Variants in ACAP2 observed in about 807,000 individuals in gnomAD.
The protein encoded by ACAP2 is arf-GAP with coiled-coil, ANK repeat and PH domain-containing protein 2.
In ACAP2, 39 loss-of-function variants were observed where a neutral mutation model predicts 115.8. The observed-to-expected ratio is 0.34, with a 90% confidence interval of 0.26 to 0.44. ACAP2 has a LOEUF of 0.44. ACAP2 is among the 20% of genes least tolerant of loss of function. The pLI, the probability that ACAP2 is intolerant of heterozygous loss-of-function variation, is 1.00. For missense variants in ACAP2, 662 were observed against 927.6 expected, an observed-to-expected ratio of 0.71 and a Z score of 3.72; for synonymous variants, 289 against 315.8, an observed-to-expected ratio of 0.92 and a Z score of 0.90.
chr3:195,349,003 G>C lies in ACAP2; in HGVS notation c.286-3686C>G, dbSNP rs142762615. The stretch of plus-strand genomic sequence containing the variant: ...AAAAAGCATACAGATTAGAAAGGAA[G>C]AATATAAAATTGTCTTTATCCACAG... On this transcript the variant is annotated intron_variant, in intron 4 of 22. Transcript: ENST00000326793. Among the ~76,000 whole-genome samples, 636 of 152,128 alleles carry C rather than the reference G, an allele frequency of 4.2e-3. 1 individual carries two copies. Among genetic ancestry groups the C allele is most frequent in the African/African-American group, 0.014 (598 of 41,506 alleles).
intron 1 of ACAP2, among the ~76,000 whole-genome samples, chr3:195,413,541 G>T (rs541727919): frequency 1.3e-5 from 2 of 152,044 alleles, no homozygotes; most frequent in Admixed American, 1.3e-4. Context: ...TTGAGGTCAG[G>T]AGTTTGAGAC....
rs537784017 is a variant in ACAP2 at position 195,287,904 on chromosome 3, G to A, written c.2174+1217C>T. ...GGATCACCTGAGGTCAGGAGTTTAA[G>A]ACCAGCCTGACCAACATGGAGAAAC... On this transcript the variant is annotated intron_variant, in intron 21 of 22. Transcript: ENST00000326793. 4.2e-4 allele frequency among the ~76,000 whole-genome samples: 64 copies of A among 152,204 alleles called. No homozygotes were observed. The Middle Eastern group carries it at 0.017, about 40-fold the overall frequency.
chr3:195,286,587 T>C (rs1726859546), intron 21 of ACAP2, among the ~76,000 whole-genome samples: 2 of 152,232 alleles, frequency 1.3e-5, no homozygotes, highest in East Asian at 3.8e-4. Flanking sequence ...CACCCTCTTC[T>C]GAAATGTTCT....
At chr3:195,429,946 T>G (rs1714988329) in intron 1 of ACAP2, among the ~76,000 whole-genome samples, 1 of 152,234 alleles carries the variant, frequency 6.6e-6, no homozygotes, top group Non-Finnish European at 1.5e-5. Flanking sequence ...CATTGGTATT[T>G]GCTTAAACTG....
In ACAP2 at chr3:195,442,925, C is replaced by T; in HGVS notation, c.-78G>A. The T allele has an allele frequency of 7.5e-7, 1 of 1,340,742 alleles. No homozygotes were observed. Among genetic ancestry groups the T allele is most frequent in the Non-Finnish European group, 9.9e-7 (1 of 1,012,590 alleles). The allele number at this position is 1,340,742 out of a possible 1,614,324, so 83.1% of individuals were successfully genotyped here. ...GGCCGCGCTGGGACGCAGACGGCTA[C>T]GGCGGGCGCACGGCCGCGACTAGCG... is the stretch of plus-strand genomic sequence containing the variant. On this transcript the variant is annotated 5_prime_UTR_variant, in exon 1 of 23. Coordinates refer to ENST00000326793, the MANE Select transcript of ACAP2 (RefSeq NM_012287.6).
chr3:195,353,782 T>C (rs1424447476), intron 4 of ACAP2, among the ~76,000 whole-genome samples: 3 of 152,184 alleles, frequency 2.0e-5, no homozygotes, highest in African/African-American at 7.2e-5. Flanking sequence ...AAAACATCAT[T>C]ATATTCCAAA....
Position 195,297,184 on chromosome 3 carries a change from T to TCA in ACAP2, c.1487+5_1487+6insTG, listed in dbSNP as rs760180505. 6.2e-7 allele frequency: 1 copy of TCA among 1,609,860 alleles called. No homozygotes were observed. The highest frequency in any genetic ancestry group is 8.5e-7 in the Non-Finnish European group (1 of 1,177,736). ...AATTAGGGGGAAAAAACAACTGAAATAGTACCTTTGTCCTGGTTGGGGTTT... is the reference window on the plus strand; with the variant it reads ...AATTAGGGGGAAAAAACAACTGAAATCAAGTACCTTTGTCCTGGTTGGGGTTT... On this transcript the variant is annotated splice_donor_region_variant and intron_variant, in intron 16 of 22. Coordinates refer to ENST00000326793, the MANE Select transcript of ACAP2 (RefSeq NM_012287.6).
intron 10 of ACAP2, among the ~76,000 whole-genome samples, chr3:195,317,459 T>A (rs1729171211): frequency 6.6e-6 from 1 of 152,148 alleles, no homozygotes; most frequent in African/African-American, 2.4e-5. Context: ...CAACTACTAC[T>A]CATATTACAG....
intron 9 of ACAP2, chr3:195,326,644 G>A (rs866227271): frequency 7.0e-5 from 29 of 416,526 alleles, no homozygotes; most frequent in South Asian, 5.5e-4. Context: ...AAGTTCCTAA[G>A]AGATTCAAAT....
chr3:195,291,750 T>C lies in ACAP2; in HGVS notation c.2019A>G (p.Gln673=). 6.2e-7 allele frequency: 1 copy of C among 1,614,130 alleles called. No homozygotes were observed. The highest frequency in any genetic ancestry group is 8.5e-7 in the Non-Finnish European group (1 of 1,180,010). ...NGANVNQRDV[Q]GRGPLHHATV... The stretch of plus-strand genomic sequence containing the variant: ...TGGCATGGTGCAATGGTCCCCGCCC[T>C]TGGACATCTCTTTGGTTGACATTAG... The change falls in exon 20 of 23, where the codon CAA becomes CAG. Residue 673 remains glutamine, a synonymous_variant. Coordinates refer to ENST00000326793, the MANE Select transcript of ACAP2 (RefSeq NM_012287.6).
At chr3:195,353,872 G>A (rs907959794) in intron 4 of ACAP2, among the ~76,000 whole-genome samples, 1 of 152,170 alleles carries the variant, frequency 6.6e-6, no homozygotes, top group African/African-American at 2.4e-5. Flanking sequence ...TGTGCAGGAT[G>A]TGGAGGTTTG....
chr3:195,335,405 A>T (rs1730436470), intron 7 of ACAP2, among the ~76,000 whole-genome samples: 1 of 152,198 alleles, frequency 6.6e-6, no homozygotes, highest in Non-Finnish European at 1.5e-5. Context: ...AAAGTTATAA[A>T]ATAGTATGTA....
At chr3:195,381,091 A>C (rs756678811) in intron 3 of ACAP2, 29 bp from the exon 4 acceptor site, 2 of 1,571,248 alleles carry the variant, frequency 1.3e-6, no homozygotes, top group Non-Finnish European at 1.7e-6. Flanking sequence ...AAGAAAACCA[A>C]ATCATTTATG....
Position 195,276,821 on chromosome 3 carries a change from A to G in ACAP2, c.*2507T>C, listed in dbSNP as rs982185517. The G allele has an allele frequency of 6.6e-6, 1 of 152,210 alleles. No homozygotes were observed. Among genetic ancestry groups the G allele is most frequent in the Non-Finnish European group, 1.5e-5 (1 of 68,022 alleles). 9.4% of individuals were successfully genotyped at this position (152,210 alleles called of 1,614,324 possible). A position where few individuals can be genotyped will look rare whatever the true frequency, so the allele number is the denominator to read the frequency against. On this transcript the variant is annotated 3_prime_UTR_variant, in exon 23 of 23. Transcript: ENST00000326793. ...AATTTAAAGCCTTGCTGTTTACTCC[A>G]TCATTTCTGCCAAATGTAGTCCAAA... is the stretch of plus-strand genomic sequence containing the variant.
chr3:195,434,524 T>C (rs555817637), intron 1 of ACAP2, among the ~76,000 whole-genome samples: 4 of 152,102 alleles, frequency 2.6e-5, no homozygotes, highest in African/African-American at 4.8e-5. Flanking sequence ...GCATAAGCCA[T>C]TGTGCCCAGC....
At chr3:195,310,376 T>C (rs1356544901) in intron 10 of ACAP2, among the ~76,000 whole-genome samples, 2 of 152,204 alleles carry the variant, frequency 1.3e-5, no homozygotes, top group South Asian at 2.1e-4. Flanking sequence ...TTCTTTACTT[T>C]GGGACAGATA....
At chr3:195,434,699 T>C (rs750226080) in intron 1 of ACAP2, among the ~76,000 whole-genome samples, 1 of 152,252 alleles carries the variant, frequency 6.6e-6, no homozygotes, top group Non-Finnish European at 1.5e-5. Flanking sequence ...CTTGATAGAA[T>C]TCACCAGTGA....
At chr3:195,366,839 T>C (rs1278276329) in intron 4 of ACAP2, among the ~76,000 whole-genome samples, 4 of 152,040 alleles carry the variant, frequency 2.6e-5, no homozygotes, top group East Asian at 1.9e-4. Flanking sequence ...ACAGTCTCCG[T>C]AAATGGGAAA....
chr3:195,289,064 C>T lies in ACAP2; in HGVS notation c.2174+57G>A, dbSNP rs1057211442. 8.5e-6 allele frequency: 12 copies of T among 1,403,986 alleles called. No individual in the cohort carries two copies. In the African/African-American group the frequency reaches 1.3e-4, roughly 15 times the overall value. The allele number at this position is 1,403,986 out of a possible 1,614,324, so 87.0% of individuals were successfully genotyped here. A position where few individuals can be genotyped will look rare whatever the true frequency, so the allele number is the denominator to read the frequency against. ...CTGGAACTAATTCACTGTGGATAAC[C>T]GAGGGACAACTGTAATTCACTGTAT... On this transcript the variant is annotated intron_variant, in intron 21 of 22. Coordinates refer to ENST00000326793, the MANE Select transcript of ACAP2 (RefSeq NM_012287.6).
Sources: allele counts gnomAD v4.1 joint callset (sites outside exome capture counted in the v4.1 genomes callset), GRCh38; gene constraint gnomAD v4.1.1; transcripts MANE v1.5; gene names NCBI Gene and HGNC (gene_info 2026-07-23, HGNC 2026-07-21).